The following GSAP variants were observed in gnomAD, a reference collection of about 807,000 sequenced individuals.
GSAP encodes gamma-secretase activating protein.
In GSAP, 118 loss-of-function variants were observed where a neutral mutation model predicts 131.7. The ratio of observed to expected loss-of-function variants is 0.90; its 90% CI spans 0.77 to 1.04. GSAP has a LOEUF of 1.04. Among genes scored for constraint, GSAP ranks in the 50% least tolerant of loss-of-function variants. The pLI is 0.00. For synonymous variants in GSAP, 381 were observed against 363.4 expected (o/e 1.05, Z -0.55); for missense variants, 1,019 against 1,013.2 (o/e 1.01, Z -0.08).
rs990687115 is a variant in GSAP at position 77,312,789 on chromosome 7, G to A, written c.2272-587C>T. Reference sequence around the variant, plus strand: ...ACAGACAGCCGTTCGTGAGAGGACAGTGCCAGAGGTGCAAGTGTGCAAGGC... The same window carrying A: ...ACAGACAGCCGTTCGTGAGAGGACAATGCCAGAGGTGCAAGTGTGCAAGGC... On this transcript the variant is annotated intron_variant, in intron 28 of 30. Transcript: ENST00000257626. 3.9e-5 allele frequency among the ~76,000 whole-genome samples: 6 copies of A among 152,374 alleles called. No individual in the cohort carries two copies. In the East Asian group the frequency reaches 9.6e-4, roughly 24 times the overall value.
intron 7 of GSAP, 60 bp downstream of exon 7, chr7:77,382,512 CCA>C (rs1797948226): frequency 1.2e-6 from 1 of 863,196 alleles, no homozygotes; most frequent in Non-Finnish European, 2.0e-6. Flanking sequence ...CAATCATGTA[CCA>C]CACTAGGAGA....
intron 26 of GSAP, among the ~76,000 whole-genome samples, chr7:77,318,279 G>A (rs368776264): frequency 6.6e-6 from 1 of 152,218 alleles, no homozygotes; most frequent in Non-Finnish European, 1.5e-5. Flanking sequence ...TGCCATTTTT[G>A]TTGGCCAAAA....
intron 12 of GSAP, among the ~76,000 whole-genome samples, chr7:77,373,293 C>G (rs1360505856): frequency 6.6e-6 from 1 of 152,166 alleles, no homozygotes; most frequent in Non-Finnish European, 1.5e-5. Context: ...TTTTACTTAT[C>G]ATATCCCCAA....
chr7:77,406,807 C>G (rs538256756), intron 1 of GSAP, among the ~76,000 whole-genome samples: 1 of 152,030 alleles, frequency 6.6e-6, no homozygotes, highest in African/African-American at 2.4e-5. Flanking sequence ...ATACAGGAGC[C>G]GAGGGTAGGG....
chr7:77,379,809 C>G (rs1258350247), intron 8 of GSAP: 2 of 956,318 alleles, frequency 2.1e-6, no homozygotes, highest in Non-Finnish European at 1.2e-6. Context: ...TACTTAGCCC[C>G]TGCGGGACAA....
intron 14 of GSAP, among the ~76,000 whole-genome samples, chr7:77,358,947 A>C (rs1439052524): frequency 6.6e-6 from 1 of 152,112 alleles, no homozygotes; most frequent in Non-Finnish European, 1.5e-5. Context: ...AGCACTTTGG[A>C]AGGCCGAGGC....
At chr7:77,335,047 C>T (rs1164201775) in intron 19 of GSAP, among the ~76,000 whole-genome samples, 9 of 151,312 alleles carry the variant, frequency 5.9e-5, no homozygotes, top group Non-Finnish European at 1.0e-4. Context: ...CGCGCCACTG[C>T]ACTCCAGCCT....
chr7:77,317,354 A>G (rs1471293086), intron 26 of GSAP, among the ~76,000 whole-genome samples: 2 of 143,396 alleles, frequency 1.4e-5, no homozygotes, highest in African/African-American at 2.7e-5. Context: ...TTGGGGGGGA[A>G]CATCACACAC....
At chr7:77,395,650 A>G (rs919853870) in intron 5 of GSAP, among the ~76,000 whole-genome samples, 7 of 151,990 alleles carry the variant, frequency 4.6e-5, no homozygotes, top group Non-Finnish European at 7.4e-5. Context: ...TGCCCACCAA[A>G]TCTCCCATAA....
At chr7:77,349,300 A>C in intron 19 of GSAP, 51 bp downstream of exon 19, 2 of 1,369,614 alleles carry the variant, frequency 1.5e-6, no homozygotes, top group Non-Finnish European at 2.1e-6. Flanking sequence ...CTCAGGCAGC[A>C]GAGCTTTAGT....
chr7:77,389,238 ATG>A (rs1046217036), intron 5 of GSAP, among the ~76,000 whole-genome samples: 7 of 151,076 alleles, frequency 4.6e-5, no homozygotes, highest in South Asian at 2.1e-4. Context: ...GTGTGTATGT[ATG>A]TGTGTGTGTA....
chr7:77,386,364 T>G (rs899135875), intron 6 of GSAP, among the ~76,000 whole-genome samples: 3 of 152,196 alleles, frequency 2.0e-5, no homozygotes, highest in Non-Finnish European at 4.4e-5. Flanking sequence ...GACTGTAGAC[T>G]TTTGACCTTT....
chr7:77,387,425 C>T lies in GSAP; in HGVS notation c.391G>A (p.Val131Ile), dbSNP rs367664638. 4.8e-5 allele frequency: 76 copies of T among 1,597,262 alleles called. 1 individual carries two copies. In the African/African-American group the frequency reaches 5.4e-4, roughly 11 times the overall value. The change falls in exon 6 of 31, where the codon GTT becomes ATT. Residue 131 changes from valine (V) to isoleucine (I), a missense_variant. Coordinates refer to ENST00000257626, the MANE Select transcript of GSAP (RefSeq NM_017439.4). The part of the protein sequence containing the change: ...QPGSKCLTLL[V>I]EIHPVNNVKV... ...ACATTGTTAACAGGGTGGATTTCAA[C>T]CAACAAAGTCAAGCACTTTGATCCT... is the stretch of plus-strand genomic sequence containing the variant.
At chr7:77,393,640 G>A (rs915851528) in intron 5 of GSAP, among the ~76,000 whole-genome samples, 4 of 150,676 alleles carry the variant, frequency 2.7e-5, no homozygotes, top group South Asian at 2.1e-4. Flanking sequence ...GAAATCCGGC[G>A]GCATGCATGC....
intron 26 of GSAP, among the ~76,000 whole-genome samples, chr7:77,316,705 A>G (rs1024322859): frequency 2.0e-5 from 3 of 152,058 alleles, no homozygotes; most frequent in Admixed American, 6.5e-5. Context: ...GTCCCTGATG[A>G]CCCTTCATCC....
intron 12 of GSAP, among the ~76,000 whole-genome samples, chr7:77,367,724 C>T (rs1409325407): frequency 6.6e-6 from 1 of 152,126 alleles, no homozygotes; most frequent in Non-Finnish European, 1.5e-5. Context: ...ATAGAATGAA[C>T]TGGGGAAGAG....
intron 14 of GSAP, among the ~76,000 whole-genome samples, chr7:77,359,137 G>A (rs1285340112): frequency 2.0e-5 from 3 of 152,036 alleles, no homozygotes; most frequent in Admixed American, 2.0e-4. Flanking sequence ...GGAGGCGGAA[G>A]TTACAGTGAG....
intron 22 of GSAP, 101 bp downstream of exon 22, chr7:77,328,505 T>C (rs745625200): frequency 2.0e-6 from 3 of 1,527,634 alleles, no homozygotes; most frequent in Non-Finnish European, 2.6e-6. Context: ...ACCACACTAC[T>C]GGAAGTGATT....
At chr7:77,355,787 GTT>G (rs11353263) in intron 14 of GSAP, 140 bp from the exon 15 acceptor site, 24,353 of 291,020 alleles carry the variant, frequency 0.084, 54 homozygotes, top group East Asian at 0.13. Context: ...ATGACAGCCC[GTT>G]TTTTTTTTTT....
Sources: gnomAD v4.1 joint callset for allele counts (sites outside exome capture counted in the v4.1 genomes callset) on GRCh38, gnomAD v4.1.1 for gene constraint, MANE v1.5 for transcripts, NCBI Gene and HGNC (gene_info 2026-07-23, HGNC 2026-07-21) for gene names.